The following SDK1 variants were observed in gnomAD, a reference collection of about 807,000 sequenced individuals.
The protein encoded by SDK1 is protein sidekick-1.
A neutral mutation model predicts 245.5 loss-of-function variants in SDK1; 157 were observed. That is an observed-to-expected ratio of 0.64 (90% CI 0.56 to 0.73). SDK1 has a LOEUF of 0.73. Ranked by LOEUF, SDK1 falls within the 30% of genes least tolerant of loss-of-function variation. The pLI is 0.00. For missense variants in SDK1, 3,583 were observed against 3,002.3 expected (o/e 1.19, Z -4.52); for synonymous variants, 1,647 against 1,278.5 (o/e 1.29, Z -6.15).
intron 17 of SDK1, among the ~76,000 whole-genome samples, chr7:4,032,107 C>A (rs1283997578): frequency 1.3e-5 from 2 of 151,468 alleles, no homozygotes; most frequent in Non-Finnish European, 1.5e-5. Flanking sequence ...CCAAACAGGT[C>A]CAAAGAATGC....
rs542192687 is a variant in SDK1 at position 3,947,802 on chromosome 7, A to G, written c.848-3121A>G. Among the ~76,000 whole-genome samples, 3 of 152,234 alleles carry G rather than the reference A, an allele frequency of 2.0e-5. No individual in the cohort carries two copies. In the South Asian group the frequency reaches 6.2e-4, roughly 32 times the overall value. On this transcript the variant is annotated intron_variant, in intron 5 of 44. Transcript: ENST00000404826. The stretch of plus-strand genomic sequence containing the variant: ...GCTAAAAGCTCATCTGTTGTAGCAG[A>G]AAGTCAATAGATAATGTCTAAAATT...
chr7:4,203,536 A>ATT lies in SDK1; in HGVS notation c.5099-2343_5099-2342insTT, dbSNP rs1464008178. On this transcript the variant is annotated intron_variant, in intron 35 of 44. Transcript: ENST00000404826. ...ATAATTTCATGTATTTTTTTTTTAA[A>ATT]AAAAAAAAGCTTCCAAGCTGGTATG... 2.9e-3 allele frequency among the ~76,000 whole-genome samples: 433 copies of ATT among 147,242 alleles called. 5 individuals carry two copies. The highest frequency in any genetic ancestry group is 0.011 in the Middle Eastern group (3 of 284).
intron 1 of SDK1, among the ~76,000 whole-genome samples, chr7:3,366,803 G>A (rs11982696): frequency 0.015 from 2,303 of 152,016 alleles, 72 homozygotes; most frequent in African/African-American, 0.053. Flanking sequence ...GTGCAGTGGC[G>A]TGATCTCAGC....
intron 1 of SDK1, among the ~76,000 whole-genome samples, chr7:3,407,819 G>A (rs56064609): frequency 0.1 from 15,151 of 152,094 alleles, 952 homozygotes; most frequent in African/African-American, 0.17. Flanking sequence ...TGGCAGAGAG[G>A]GCCTTGAAAA....
At chr7:3,515,046 G>T (rs1044210572) in intron 1 of SDK1, among the ~76,000 whole-genome samples, 1 of 152,126 alleles carries the variant, frequency 6.6e-6, no homozygotes, top group African/African-American at 2.4e-5. Flanking sequence ...TGGCACTAGA[G>T]TTCCCTTGAC....
chr7:3,552,757 T>C (rs1779457348), intron 1 of SDK1, among the ~76,000 whole-genome samples: 1 of 152,208 alleles, frequency 6.6e-6, no homozygotes. Flanking sequence ...TGAAAGACTT[T>C]GAAATAATCA....
chr7:4,021,684 A>T (rs927160485), intron 17 of SDK1, among the ~76,000 whole-genome samples: 5 of 152,336 alleles, frequency 3.3e-5, no homozygotes, highest in African/African-American at 1.2e-4. Context: ...GGGAACGAGT[A>T]TGCCCACCTT....
At chr7:3,464,570 T>A (rs1294109822) in intron 1 of SDK1, among the ~76,000 whole-genome samples, 1 of 152,148 alleles carries the variant, frequency 6.6e-6, no homozygotes, top group East Asian at 1.9e-4. Flanking sequence ...TTTCATTCTG[T>A]CAGTGGCTCT....
chr7:4,086,680 C>T (rs575298424), intron 22 of SDK1, among the ~76,000 whole-genome samples: 87 of 152,192 alleles, frequency 5.7e-4, no homozygotes, highest in African/African-American at 2.0e-3. Flanking sequence ...CTTTTAAGGA[C>T]TCCTGATTAC....
chr7:3,423,498 T>C (rs1288678429), intron 1 of SDK1, among the ~76,000 whole-genome samples: 3 of 151,928 alleles, frequency 2.0e-5, no homozygotes, highest in Non-Finnish European at 4.4e-5. Context: ...GCAGTGAGAA[T>C]ATAAAAACAA....
intron 43 of SDK1, among the ~76,000 whole-genome samples, chr7:4,245,475 G>A (rs1018253699): frequency 6.6e-6 from 1 of 152,222 alleles, no homozygotes; most frequent in African/African-American, 2.4e-5. Flanking sequence ...CTCCACAACT[G>A]ACAGGCACAG....
chr7:3,516,476 T>C (rs959680848), intron 1 of SDK1, among the ~76,000 whole-genome samples: 1 of 152,158 alleles, frequency 6.6e-6, no homozygotes, highest in Non-Finnish European at 1.5e-5. Context: ...GGTGTTCTAC[T>C]TAAAGAGCTA....
At chr7:4,207,486 G>A (rs1784287795) in intron 36 of SDK1, among the ~76,000 whole-genome samples, 1 of 152,210 alleles carries the variant, frequency 6.6e-6, no homozygotes, top group Non-Finnish European at 1.5e-5. Flanking sequence ...GCACCCCAGA[G>A]GAATGAGGCC....
intron 4 of SDK1, among the ~76,000 whole-genome samples, chr7:3,775,961 C>T (rs1375319403): frequency 2.0e-5 from 3 of 152,218 alleles, no homozygotes; most frequent in South Asian, 2.1e-4. Context: ...TGCACTGATT[C>T]TCGAAACGAG....
chr7:3,991,439 C>T (rs766335472), intron 14 of SDK1, among the ~76,000 whole-genome samples: 4 of 152,144 alleles, frequency 2.6e-5, no homozygotes, highest in South Asian at 2.1e-4. Flanking sequence ...GCACCTGCGA[C>T]GTAACTCCTG....
chr7:4,203,206 G>T (rs1337211713), intron 35 of SDK1, among the ~76,000 whole-genome samples: 1 of 152,216 alleles, frequency 6.6e-6, no homozygotes, highest in Non-Finnish European at 1.5e-5. Flanking sequence ...CAGAATTCCA[G>T]AACATTTCAG....
chr7:4,004,711 A>G (rs75547133), intron 14 of SDK1, among the ~76,000 whole-genome samples: 2,132 of 152,324 alleles, frequency 0.014, 44 homozygotes, highest in African/African-American at 0.047. Context: ...AATTATGTCA[A>G]TTCATCCCTA....
In SDK1 at chr7:4,093,245, G is replaced by A. The variant is rs944676355; in HGVS notation, c.3324+13661G>A. On this transcript the variant is annotated intron_variant, in intron 22 of 44. Coordinates refer to ENST00000404826, the MANE Select transcript of SDK1 (RefSeq NM_152744.4). The stretch of plus-strand genomic sequence containing the variant: ...TATGGTGCACCATAAAAGGGAGAAT[G>A]CAAATGTTATATGTTTTCATTTGCC... Among the ~76,000 whole-genome samples the A allele has an allele frequency of 3.3e-5, 5 of 152,128 alleles. No homozygotes were observed. In the East Asian group the frequency reaches 9.7e-4, roughly 29 times the overall value.
chr7:3,543,446 T>C (rs1041977344), intron 1 of SDK1, among the ~76,000 whole-genome samples: 1 of 152,176 alleles, frequency 6.6e-6, no homozygotes, highest in African/African-American at 2.4e-5. Flanking sequence ...GGAGCACTGG[T>C]AGAATGGGTG....
Sources: allele counts gnomAD v4.1 joint callset (sites outside exome capture counted in the v4.1 genomes callset), GRCh38; gene constraint gnomAD v4.1.1; transcripts MANE v1.5; gene names NCBI Gene and HGNC (gene_info 2026-07-23, HGNC 2026-07-21).